THSD7B: variants seen among roughly 807,000 people sequenced by gnomAD.
THSD7B encodes the protein thrombospondin type 1 domain containing 7B.
In THSD7B, 138 loss-of-function variants were observed where a neutral mutation model predicts 213.6. The observed-to-expected ratio is 0.65, with a 90% CI of 0.56 to 0.74. The LOEUF (loss-of-function observed/expected upper bound fraction) is 0.74, where lower values mean the gene tolerates loss of function less well. THSD7B is among the 30% of genes least tolerant of loss of function. The probability of loss-of-function intolerance (pLI) is 0.00; values close to 1 mark genes in which losing one functional copy is unlikely to be tolerated. For synonymous variants in THSD7B, 742 were observed against 687.0 expected (o/e 1.08, Z -1.25); for missense variants, 1,931 against 1,991.5 (o/e 0.97, Z 0.58).
At chr2:136,976,440 A>G (rs553197629) in intron 2 of THSD7B, among the ~76,000 whole-genome samples, 1 of 152,124 alleles carries the variant, frequency 6.6e-6, no homozygotes, top group South Asian at 2.1e-4. Context: ...ATGTTTTCTT[A>G]TCTTTAGTTC....
intron 4 of THSD7B, among the ~76,000 whole-genome samples, chr2:137,097,217 A>G (rs1688054448): frequency 6.6e-6 from 1 of 151,946 alleles, no homozygotes; most frequent in African/African-American, 2.4e-5. Context: ...ATTTATAGGC[A>G]ATCCTCCATT....
chr2:137,277,929 C>T (rs1412603608), intron 12 of THSD7B, among the ~76,000 whole-genome samples: 1 of 152,064 alleles, frequency 6.6e-6, no homozygotes, highest in Admixed American at 6.6e-5. Flanking sequence ...TTTCACTCTA[C>T]AGAGTCAGAT....
intron 17 of THSD7B, among the ~76,000 whole-genome samples, chr2:137,584,773 T>G (rs985853839): frequency 2.0e-5 from 3 of 152,232 alleles, no homozygotes; most frequent in Non-Finnish European, 4.4e-5. Flanking sequence ...TCGATGTTCA[T>G]AAGGGATATT....
At chr2:136,897,562 A>G (rs1683981827) in intron 2 of THSD7B, among the ~76,000 whole-genome samples, 1 of 152,138 alleles carries the variant, frequency 6.6e-6, no homozygotes, top group Non-Finnish European at 1.5e-5. Flanking sequence ...CAGTAGCAAG[A>G]TTTATTGTGA....
chr2:136,767,556 A>G (rs1038232704), intron 1 of THSD7B, among the ~76,000 whole-genome samples: 3 of 151,860 alleles, frequency 2.0e-5, no homozygotes, highest in African/African-American at 7.3e-5. Flanking sequence ...TTTCATGCAA[A>G]TTTAAGTGAA....
chr2:137,457,158 C>G (rs1292935340), intron 15 of THSD7B, among the ~76,000 whole-genome samples: 1 of 152,200 alleles, frequency 6.6e-6, no homozygotes, highest in Non-Finnish European at 1.5e-5. Flanking sequence ...ACTACCCCCT[C>G]AGGCTTGTTA....
chr2:136,971,548 A>G (rs1384959205), intron 2 of THSD7B, among the ~76,000 whole-genome samples: 1 of 151,892 alleles, frequency 6.6e-6, no homozygotes, highest in Non-Finnish European at 1.5e-5. Context: ...AATATTGTAT[A>G]GAAAAGAAAA....
At position 137,343,835 on chromosome 2, in the gene THSD7B, C is replaced by T. The variant is rs150843397; in HGVS notation, c.2501-61778C>T. Reference sequence around the variant, plus strand: ...AAAAATGGTAGAAAATATAATTTAACGAATGCATAACTTCATTCTTTTACA... The same window carrying T: ...AAAAATGGTAGAAAATATAATTTAATGAATGCATAACTTCATTCTTTTACA... On this transcript the variant is annotated intron_variant, in intron 12 of 27. Coordinates refer to ENST00000409968, the MANE Select transcript of THSD7B (RefSeq NM_001316349.2). Among the ~76,000 whole-genome samples, 233 of 151,820 alleles carry T rather than the reference C, an allele frequency of 1.5e-3. 1 individual carries two copies. The highest frequency in any genetic ancestry group is 5.4e-3 in the African/African-American group (226 of 41,468).
chr2:137,381,584 TA>T (rs1380488691), intron 12 of THSD7B, among the ~76,000 whole-genome samples: 2 of 152,088 alleles, frequency 1.3e-5, no homozygotes, highest in Admixed American at 1.3e-4. Flanking sequence ...GTCCATGCTG[TA>T]AAGAAGGCAA....
chr2:137,258,149 T>C (rs774624262), intron 10 of THSD7B, among the ~76,000 whole-genome samples: 1 of 152,190 alleles, frequency 6.6e-6, no homozygotes, highest in Non-Finnish European at 1.5e-5. Context: ...AGCTTGTCAT[T>C]TGGGGAAGAG....
intron 2 of THSD7B, among the ~76,000 whole-genome samples, chr2:137,038,614 A>G (rs957292748): frequency 6.6e-6 from 1 of 152,204 alleles, no homozygotes; most frequent in Non-Finnish European, 1.5e-5. Flanking sequence ...GGAAGATAAG[A>G]TTAATCATTT....
intron 12 of THSD7B, among the ~76,000 whole-genome samples, chr2:137,332,683 T>A (rs1684541640): frequency 6.6e-6 from 1 of 152,134 alleles, no homozygotes; most frequent in Admixed American, 6.5e-5. Flanking sequence ...AATCCCAACA[T>A]GTGCTGAGAG....
chr2:136,926,225 C>T (rs1684519458), intron 2 of THSD7B, among the ~76,000 whole-genome samples: 1 of 152,100 alleles, frequency 6.6e-6, no homozygotes, highest in African/African-American at 2.4e-5. Flanking sequence ...ATCTTTTCCC[C>T]TGGATTCTCC....
intron 5 of THSD7B, among the ~76,000 whole-genome samples, chr2:137,119,061 A>C (rs1688496747): frequency 6.6e-6 from 1 of 152,182 alleles, no homozygotes; most frequent in Non-Finnish European, 1.5e-5. Flanking sequence ...TATGGGAGGT[A>C]TAATTCAAGA....
chr2:136,999,035 A>C (rs80339161), intron 2 of THSD7B, among the ~76,000 whole-genome samples: 8,007 of 151,898 alleles, frequency 0.053, 292 homozygotes, highest in East Asian at 0.12. Context: ...TTGAAGTCTT[A>C]GCCAATCACT....
chr2:136,911,396 G>A (rs556346831), intron 2 of THSD7B, among the ~76,000 whole-genome samples: 32 of 152,184 alleles, frequency 2.1e-4, no homozygotes, highest in African/African-American at 4.6e-4. Flanking sequence ...ACCTTTTGGC[G>A]TTCCTCTGGA....
At position 137,056,441 on chromosome 2, in the gene THSD7B, G is replaced by A. The variant is rs1432017189; in HGVS notation, c.161G>A (p.Gly54Glu). Reference sequence around the variant, plus strand: ...GTAGGTCCGTGGGGAAGGTGTACAGGAGACTGTGGTCCCGGAGGAGTCCAG... The same window carrying A: ...GTAGGTCCGTGGGGAAGGTGTACAGAAGACTGTGGTCCCGGAGGAGTCCAG... ...WKPGPWGRCT[G>E]DCGPGGVQSR... The change falls in exon 3 of 28, where the codon GGA (glycine) becomes GAA (glutamate). Residue 54 changes from glycine (G) to glutamate (E), a missense_variant. By Grantham distance (98) the Gly-to-Glu change is moderately conservative. Transcript: ENST00000409968. 6.2e-7 allele frequency: 1 copy of A among 1,613,706 alleles called. No individual in the cohort carries two copies. The highest frequency in any genetic ancestry group is 8.5e-7 in the Non-Finnish European group (1 of 1,179,772).
chr2:137,134,526 C>T (rs79124903), intron 5 of THSD7B, among the ~76,000 whole-genome samples: 1 of 152,216 alleles, frequency 6.6e-6, no homozygotes, highest in East Asian at 1.9e-4. Flanking sequence ...TGGTTCAGGC[C>T]ATGCGCTGGC....
intron 2 of THSD7B, among the ~76,000 whole-genome samples, chr2:136,896,747 T>G (rs1371102242): frequency 6.6e-6 from 1 of 152,100 alleles, no homozygotes; most frequent in Non-Finnish European, 1.5e-5. Flanking sequence ...TAAGTTCAAT[T>G]TTTTACATGT....
Sources: allele counts gnomAD v4.1 joint callset (sites outside exome capture counted in the v4.1 genomes callset), GRCh38; gene constraint gnomAD v4.1.1; transcripts MANE v1.5; gene names NCBI Gene and HGNC (gene_info 2026-07-23, HGNC 2026-07-21).